Variants in SMC2 observed in about 807,000 individuals in gnomAD.
The protein encoded by SMC2 is structural maintenance of chromosomes 2.
SMC2 carries 41 observed loss-of-function variants against 142.6 expected under a neutral mutation model. The ratio of observed to expected loss-of-function variants is 0.29; its 90% CI spans 0.22 to 0.37. The LOEUF (loss-of-function observed/expected upper bound fraction) is 0.37. SMC2 is among the 10% of genes least tolerant of loss of function. The pLI, the probability that SMC2 is intolerant of heterozygous loss-of-function variation, is 1.00. For synonymous variants in SMC2, 463 were observed against 457.5 expected, an observed-to-expected ratio of 1.01 and a Z score of -0.15; for missense variants, 1,265 against 1,373.7, an observed-to-expected ratio of 0.92 and a Z score of 1.25.
At chr9:104,100,761 A>G (rs1831024684) in intron 7 of SMC2, among the ~76,000 whole-genome samples, 1 of 152,198 alleles carries the variant, frequency 6.6e-6, no homozygotes, top group African/African-American at 2.4e-5. Flanking sequence ...AGGCACTCTT[A>G]GACACCCTCA....
At chr9:104,096,866 A>G (rs982889256) in intron 3 of SMC2, among the ~76,000 whole-genome samples, 26 of 152,206 alleles carry the variant, frequency 1.7e-4, no homozygotes, top group Non-Finnish European at 2.9e-4. Flanking sequence ...TATACCAAGT[A>G]TGCTCCAGTT....
intron 23 of SMC2, among the ~76,000 whole-genome samples, chr9:104,135,064 A>G (rs148183026): frequency 6.6e-6 from 1 of 152,216 alleles, no homozygotes; most frequent in Non-Finnish European, 1.5e-5. Context: ...AAGGAACCAA[A>G]CTGTTATTTG....
intron 15 of SMC2, 147 bp downstream of exon 15, chr9:104,118,522 G>A: frequency 1.6e-6 from 1 of 640,930 alleles, no homozygotes; most frequent in Admixed American, 3.2e-5. Flanking sequence ...CCTACCTCCT[G>A]TCAAAAGTAA....
At chr9:104,126,887 C>T in intron 19 of SMC2, 103 bp downstream of exon 19, 1 of 1,144,048 alleles carries the variant, frequency 8.7e-7, no homozygotes, top group Admixed American at 2.5e-5. Context: ...TTTCACTCGT[C>T]ATCATGAGAG....
chr9:104,131,053 A>G (rs1026181), intron 21 of SMC2, among the ~76,000 whole-genome samples: 87,558 of 151,904 alleles, frequency 0.58, 26,362 homozygotes, highest in African/African-American at 0.69. Context: ...AGCAGGACTG[A>G]CTAGAATTGT....
chr9:104,114,112 A>G, intron 12 of SMC2, 31 bp downstream of exon 12: 1 of 1,249,322 alleles, frequency 8.0e-7, no homozygotes, highest in Non-Finnish European at 1.1e-6. Context: ...ATTTTAACAT[A>G]GTAATAATCA....
chr9:104,112,359 A>AATG (rs1832559412), intron 10 of SMC2, among the ~76,000 whole-genome samples: 1 of 152,168 alleles, frequency 6.6e-6, no homozygotes, highest in African/African-American at 2.4e-5. Flanking sequence ...AGTCTATTAT[A>AATG]ATGTTTCTCA....
intron 12 of SMC2, 48 bp from the exon 13 acceptor site, chr9:104,114,643 T>C (rs200563515): frequency 7.8e-5 from 118 of 1,520,012 alleles, no homozygotes; most frequent in Non-Finnish European, 9.3e-5. Flanking sequence ...GTATAACTTT[T>C]TCTACTTTAT....
At position 104,124,623 on chromosome 9, in the gene SMC2, A is replaced by ATT. The variant is rs72030083; in HGVS notation, c.2258-277_2258-276dup. On this transcript the variant is annotated intron_variant, in intron 17 of 24. Transcript: ENST00000374793. The stretch of plus-strand genomic sequence containing the variant: ...AATTGCATTAAAAATATGATCTGTG[A>ATT]TTTTTTTTTTTTTAATAGGTTGCTT... 6.1e-3 allele frequency among the ~76,000 whole-genome samples: 906 copies of ATT among 148,614 alleles called. 13 individuals carry two copies. The highest frequency in any genetic ancestry group is 0.02 in the African/African-American group (797 of 40,814).
Position 104,094,369 on chromosome 9 carries a change from A to G in SMC2, c.-170A>G, listed in dbSNP as rs1010949406. 7.8e-5 allele frequency: 31 copies of G among 398,796 alleles called. No homozygotes were observed. Among genetic ancestry groups the G allele is most frequent in the South Asian group, 6.4e-4 (5 of 7,864 alleles). The allele number at this position is 398,796 out of a possible 1,614,324, so 24.7% of individuals were successfully genotyped here. Reference sequence around the variant, plus strand: ...CGGTGTGGCAGGTGTTGTAGCCGCTATGGTGAAGTTCGCTTTGTAGCGGCC... The same window carrying G: ...CGGTGTGGCAGGTGTTGTAGCCGCTGTGGTGAAGTTCGCTTTGTAGCGGCC... On this transcript the variant is annotated 5_prime_UTR_variant, in exon 1 of 25. It removes an upstream start codon present in the reference 5' UTR. Coordinates refer to ENST00000374793, the MANE Select transcript of SMC2 (RefSeq NM_006444.3).
intron 24 of SMC2, 128 bp downstream of exon 24, chr9:104,138,293 T>C: frequency 1.5e-6 from 1 of 689,544 alleles, no homozygotes; most frequent in Non-Finnish European, 2.1e-6. Context: ...TGTATATCTA[T>C]TTAAATAGAC....
rs1054139952 is a variant in SMC2, at chr9:104,097,526, A to G, written c.319-920A>G. Among the ~76,000 whole-genome samples, 4 of 145,168 alleles carry G rather than the reference A, an allele frequency of 2.8e-5. No homozygotes were observed. In the East Asian group the frequency reaches 5.9e-4, roughly 21 times the overall value. On this transcript the variant is annotated intron_variant, in intron 3 of 24. Transcript: ENST00000374793. ...TCTGGTTGAAAAAAAAAAAAAAAAA[A>G]GAAGCGTAGGCCACGTTAGGACAGA...
rs372814232 is a variant in SMC2, at chr9:104,099,655, A to T, written c.453A>T (p.Thr151=). The T allele has an allele frequency of 4.5e-6, 7 of 1,570,986 alleles. No individual in the cohort carries two copies. The highest frequency in any genetic ancestry group is 6.1e-6 in the Non-Finnish European group (7 of 1,141,636). Residue 151 remains threonine (T), a synonymous_variant, in exon 5 of 25, where the codon ACA becomes ACT. Transcript: ENST00000374793. ...TATTTTATTTTCAGGGCCGAATTAC[A>T]AAAGTATTGAATATGAAACCTCCAG... ...PHFLIMQGRI[T]KVLNMKPPEI...
At chr9:104,125,188 A>AGAAT in intron 18 of SMC2, 83 bp downstream of exon 18, 1 of 942,304 alleles carries the variant, frequency 1.1e-6, no homozygotes, top group East Asian at 2.6e-5. Flanking sequence ...GGTTGACCTT[A>AGAAT]TTCATCAGAA....
At chr9:104,091,417 T>G (rs10991102), upstream of SMC2, among the ~76,000 whole-genome samples, 14,882 of 139,122 alleles carry the variant, frequency 0.11, 790 homozygotes, top group South Asian at 0.14. Flanking sequence ...CATTATAATC[T>G]TAAGGGACCA....
At chr9:104,124,618 C>G (rs1378799235) in intron 17 of SMC2, among the ~76,000 whole-genome samples, 1 of 128,076 alleles carries the variant, frequency 7.8e-6, no homozygotes, top group Non-Finnish European at 1.6e-5. Context: ...AAAATATGAT[C>G]TGTGATTTTT....
At chr9:104,133,261 T>C (rs917874913) in intron 22 of SMC2, among the ~76,000 whole-genome samples, 2 of 152,116 alleles carry the variant, frequency 1.3e-5, no homozygotes, top group African/African-American at 4.8e-5. Flanking sequence ...CCATTCTCTT[T>C]TGGAGGAAGT....
rs955755313 is a variant in SMC2, at chr9:104,111,517, C to T, written c.1021-64C>T. ...TGGAATTTTATTACATAAGGGTATG[C>T]GTATAAGAAAGTGGGTGTTTTTCCT... On this transcript the variant is annotated intron_variant, in intron 9 of 24. Coordinates refer to ENST00000374793, the MANE Select transcript of SMC2 (RefSeq NM_006444.3). The T allele has an allele frequency of 1.5e-5, 14 of 929,512 alleles. 1 individual carries two copies. The highest frequency in any genetic ancestry group is 3.1e-5 in the South Asian group (2 of 65,316). The allele number at this position is 929,512 out of a possible 1,614,324, so 57.6% of individuals were successfully genotyped here.
Position 104,134,493 on chromosome 9 carries a change from A to C in SMC2, c.3187A>C (p.Thr1063Pro). 1 of 1,612,908 alleles carries C rather than the reference A, an allele frequency of 6.2e-7. No homozygotes were observed. The highest frequency in any genetic ancestry group is 1.3e-5 in the African/African-American group (1 of 74,946). ...NAMLAPPEGQ[T>P]VLDGLEFKVA... is the part of the protein sequence containing the mutation. The stretch of plus-strand genomic sequence containing the variant: ...TATGCTTGCACCACCAGAGGGTCAA[A>C]CTGTTTTGGATGGTCTGGAGTTCAA... The change falls in exon 23 of 25, where the codon ACT becomes CCT. Residue 1063 changes from threonine to proline, a missense_variant. By Grantham distance (38) the Thr-to-Pro change is conservative (BLOSUM62 -1). Around this residue, in one of 4 missense-constraint regions of SMC2, gnomAD observed 192 missense variants for 261.9 expected, o/e 0.73. Transcript: ENST00000374793.
Sources: allele counts gnomAD v4.1 joint callset (sites outside exome capture counted in the v4.1 genomes callset), GRCh38; gene constraint gnomAD v4.1.1; regional missense constraint gnomAD v4.1.1; transcripts MANE v1.5; gene names NCBI Gene and HGNC (gene_info 2026-07-23, HGNC 2026-07-21).